SMCO2: variants seen among roughly 807,000 people sequenced by gnomAD.
SMCO2 encodes single-pass membrane protein with coiled-coil domains 2.
SMCO2 carries 25 observed loss-of-function variants against 29.5 expected under a neutral mutation model. That is an observed-to-expected ratio of 0.85 (90% CI 0.62 to 1.18). SMCO2 has a LOEUF of 1.18. Ranked by LOEUF, SMCO2 falls within the 50% of genes most tolerant of loss-of-function variation. SMCO2 has a pLI of 0.00. For missense variants in SMCO2, 348 were observed against 344.5 expected (o/e 1.01, Z -0.08); for synonymous variants, 117 against 123.3 (o/e 0.95, Z 0.34).
At chr12:27,495,556 C>T (rs888044657) in intron 6 of SMCO2, 124 bp from the exon 8 acceptor site, 1 of 812,650 alleles carries the variant, frequency 1.2e-6, no homozygotes, top group African/African-American at 1.8e-5. Flanking sequence ...TTCATGGGAC[C>T]TATGTGTGAT....
the SMCO2 span, among the ~76,000 whole-genome samples, chr12:27,451,652 T>C: frequency 6.6e-6 from 1 of 152,200 alleles, no homozygotes; most frequent in Non-Finnish European, 1.5e-5. Flanking sequence ...CCACTTTAAA[T>C]GAATATGTGC....
the SMCO2 span, among the ~76,000 whole-genome samples, chr12:27,429,261 A>G: frequency 2.6e-5 from 4 of 152,152 alleles, no homozygotes; most frequent in African/African-American, 9.7e-5. Flanking sequence ...AAAGGTGCTA[A>G]GAAGAAAATA....
At chr12:27,491,142 C>T (rs1409870270) in intron 5 of SMCO2, among the ~76,000 whole-genome samples, 1 of 151,830 alleles carries the variant, frequency 6.6e-6, no homozygotes, top group African/African-American at 2.4e-5. Context: ...AATAATATCA[C>T]ATATATTGGC....
In SMCO2 at chr12:27,475,338, AAT is replaced by A. The variant is rs561621556; in HGVS notation, c.362+430_362+431del. ...ATTCATTCCACACAGTGAAATTAAA[AAT>A]ATATCTTTTTTTATTAAACATAAAA... is the stretch of plus-strand genomic sequence containing the variant. On this transcript the variant is annotated intron_variant, in intron 4 of 7. Transcript: ENST00000298876. Among the ~76,000 whole-genome samples, 93 of 152,330 alleles carry A rather than the reference AAT, an allele frequency of 6.1e-4. 2 individuals carry two copies. In the Middle Eastern group the frequency reaches 0.01, roughly 17 times the overall value.
At chr12:27,455,646 C>G in the SMCO2 span, among the ~76,000 whole-genome samples, 1 of 152,150 alleles carries the variant, frequency 6.6e-6, no homozygotes, top group East Asian at 1.9e-4. Flanking sequence ...CTTGTATGTG[C>G]AAAAAGAAGC....
intron 4 of SMCO2, among the ~76,000 whole-genome samples, chr12:27,480,623 T>G (rs1044211256): frequency 2.0e-5 from 3 of 152,142 alleles, no homozygotes; most frequent in Admixed American, 2.0e-4. Context: ...AATGGCTTGG[T>G]GCTGTCCTCA....
the SMCO2 span, among the ~76,000 whole-genome samples, chr12:27,433,300 T>G: frequency 6.6e-6 from 1 of 152,132 alleles, no homozygotes; most frequent in African/African-American, 2.4e-5. Flanking sequence ...ATTAACAGCA[T>G]AAGAGTACAG....
chr12:27,481,792 C>T (rs1489383259), intron 4 of SMCO2, among the ~76,000 whole-genome samples: 1 of 152,168 alleles, frequency 6.6e-6, no homozygotes, highest in Non-Finnish European at 1.5e-5. Context: ...ATAAAGTTAT[C>T]CGTAACATTC....
At chr12:27,465,620 A>G (rs1949492927), upstream of SMCO2, among the ~76,000 whole-genome samples, 1 of 152,234 alleles carries the variant, frequency 6.6e-6, no homozygotes, top group Non-Finnish European at 1.5e-5. Context: ...CCATGTATGC[A>G]TTCATTCCAT....
the SMCO2 span, among the ~76,000 whole-genome samples, chr12:27,450,307 C>T: frequency 2.0e-5 from 3 of 152,210 alleles, no homozygotes; most frequent in Admixed American, 2.0e-4. Context: ...TCCCTGCCCC[C>T]ACCCCCCACC....
chr12:27,448,574 T>A, the SMCO2 span, among the ~76,000 whole-genome samples: 1 of 152,194 alleles, frequency 6.6e-6, no homozygotes, highest in Non-Finnish European at 1.5e-5. Context: ...CAGCAGACCC[T>A]TAAGCTCCTT....
intron 1 of SMCO2, among the ~76,000 whole-genome samples, chr12:27,469,598 C>G (rs1949524913): frequency 6.6e-6 from 1 of 152,186 alleles, no homozygotes; most frequent in Non-Finnish European, 1.5e-5. Flanking sequence ...GGGAGCCAGG[C>G]TACCCTCTAG....
chr12:27,435,325 G>C, the SMCO2 span, among the ~76,000 whole-genome samples: 1 of 103,376 alleles, frequency 9.7e-6, no homozygotes, highest in Admixed American at 1.5e-4. Context: ...AACCAAAAAT[G>C]TCTGCAGACA....
chr12:27,482,345 A>G (rs1949652163), intron 4 of SMCO2, among the ~76,000 whole-genome samples: 1 of 152,196 alleles, frequency 6.6e-6, no homozygotes, highest in Non-Finnish European at 1.5e-5. Flanking sequence ...CCATCAGCCC[A>G]AGCTGGAGTG....
chr12:27,499,666 T>C (rs1280383272), intron 7 of SMCO2, among the ~76,000 whole-genome samples: 1 of 150,874 alleles, frequency 6.6e-6, no homozygotes, highest in Non-Finnish European at 1.5e-5. Flanking sequence ...TATTGTGTTA[T>C]ATCGGAGGAT....
chr12:27,453,443 T>C, the SMCO2 span, among the ~76,000 whole-genome samples: 1 of 152,192 alleles, frequency 6.6e-6, no homozygotes, highest in South Asian at 2.1e-4. Context: ...TGGAACATTC[T>C]CTTATATATA....
chr12:27,470,537 A>T, intron 1 of SMCO2, 85 bp from the exon 2 acceptor site: 1 of 1,434,516 alleles, frequency 7.0e-7, no homozygotes. Flanking sequence ...TGCCCTGAGG[A>T]AGAAGTTAGT....
At chr12:27,468,093 G>T (rs1006386689) in intron 1 of SMCO2, among the ~76,000 whole-genome samples, 3 of 152,056 alleles carry the variant, frequency 2.0e-5, no homozygotes, top group Non-Finnish European at 2.9e-5. Context: ...ACTATTGTTA[G>T]CCCCATTCTG....
intron 4 of SMCO2, 81 bp from the exon 5 acceptor site, chr12:27,475,501 A>G: frequency 7.1e-7 from 1 of 1,411,880 alleles, no homozygotes; most frequent in South Asian, 1.6e-5. Flanking sequence ...TCAACTCGCT[A>G]TTCAAAGGAA....
Sources: gnomAD v4.1 joint callset for allele counts (sites outside exome capture counted in the v4.1 genomes callset) on GRCh38, gnomAD v4.1.1 for gene constraint, MANE v1.5 for transcripts, NCBI Gene and HGNC (gene_info 2026-07-23, HGNC 2026-07-21) for gene names.